Variants in PPP1R18 observed in about 807,000 individuals in gnomAD.
PPP1R18 encodes phostensin.
A neutral mutation model predicts 54.8 loss-of-function variants in PPP1R18; 31 were observed. The ratio of observed to expected loss-of-function variants is 0.57; its 90% CI spans 0.43 to 0.76. The LOEUF (loss-of-function observed/expected upper bound fraction) is 0.76, where lower values mean the gene tolerates loss of function less well. Ranked by LOEUF, PPP1R18 falls within the 30% of genes least tolerant of loss-of-function variation. The pLI is 0.00. For synonymous variants in PPP1R18, 310 were observed against 320.2 expected (o/e 0.97, Z 0.34); for missense variants, 685 against 776.1 (o/e 0.88, Z 1.39).
Position 30,680,317 on chromosome 6 carries a change from G to T in PPP1R18, c.1612-928C>A, listed in dbSNP as rs116614372. Among the ~76,000 whole-genome samples the T allele has an allele frequency of 4.7e-3, 723 of 152,250 alleles. 4 individuals carry two copies. The highest frequency in any genetic ancestry group is 0.014 in the African/African-American group (574 of 41,544). On this transcript the variant is annotated intron_variant, in intron 1 of 2. Coordinates refer to ENST00000274853, the MANE Select transcript of PPP1R18 (RefSeq NM_133471.4). ...TAAGAAGCTCAGGGGGAAGGGGCAGGGTGGGATTAAGTCTAGGAGCCAAAG... is the reference window on the plus strand; with the variant it reads ...TAAGAAGCTCAGGGGGAAGGGGCAGTGTGGGATTAAGTCTAGGAGCCAAAG...
intron 1 of PPP1R18, among the ~76,000 whole-genome samples, chr6:30,681,726 T>C (rs1039598448): frequency 6.6e-6 from 1 of 151,302 alleles, no homozygotes; most frequent in African/African-American, 2.4e-5. Flanking sequence ...ATCTCACCAT[T>C]GAACTCCAGG....
rs1562030039 is a variant in PPP1R18, at chr6:30,685,513, G to T, written c.506C>A (p.Ala169Asp). ...TCCTGGGCTTTGCCTCCAGTCCCGA[G>T]CCTCCAGAGGCCTCAGGCTCAACTC... ...AQELSLRPLEARDWRQSPGEV... is the reference protein window; with the variant it reads ...AQELSLRPLEDRDWRQSPGEV... Residue 169 changes from alanine (A) to aspartate (D), a missense_variant, in exon 1 of 3, where the codon GCT (alanine) becomes GAT (aspartate). Coordinates refer to ENST00000274853, the MANE Select transcript of PPP1R18 (RefSeq NM_133471.4). The surrounding 1 kb of genome is among the most constrained non-coding windows in gnomAD (Gnocchi z 5.0). The T allele has an allele frequency of 6.2e-7, 1 of 1,612,868 alleles. No homozygotes were observed. Among genetic ancestry groups the T allele is most frequent in the Non-Finnish European group, 8.5e-7 (1 of 1,180,024 alleles).
rs776431057 is a variant in PPP1R18 at position 30,684,372 on chromosome 6, G to A, written c.1611+36C>T. ...CAGAGTCCAGAGAAAATTGACAAGT[G>A]GACTTCTAAGAAGTCTGGCTTGGCT... On this transcript the variant is annotated intron_variant, in intron 1 of 2. Coordinates refer to ENST00000274853, the MANE Select transcript of PPP1R18 (RefSeq NM_133471.4). This position sits in a 1 kb window ranked among gnomAD's most constrained non-coding sequence, Gnocchi z 6.0. 17 of 1,497,070 alleles carry A rather than the reference G, an allele frequency of 1.1e-5. No homozygotes were observed. Among genetic ancestry groups the A allele is most frequent in the African/African-American group, 4.2e-5 (3 of 70,914 alleles). The allele number at this position is 1,497,070 out of a possible 1,614,324, so 92.7% of individuals were successfully genotyped here.
upstream of PPP1R18, chr6:30,687,993 TTC>T: frequency 6.6e-6 from 1 of 152,438 alleles, no homozygotes; most frequent in African/African-American, 2.4e-5. The surrounding 1 kb of genome is among the most constrained non-coding windows in gnomAD (Gnocchi z 7.9). Context: ...CCCTCTGGCT[TTC>T]TTTCCCAAAC....
chr6:30,677,196 G>A lies in PPP1R18; in HGVS notation c.*73C>T, dbSNP rs577659727. ...CCAGGCTCATTATCAGGGTCTGTCT[G>A]CCCTGAATCTTCCGGGCTCCAGGAT... On this transcript the variant is annotated 3_prime_UTR_variant, in exon 3 of 3. Coordinates refer to ENST00000274853, the MANE Select transcript of PPP1R18 (RefSeq NM_133471.4). 203 of 1,381,032 alleles carry A rather than the reference G, an allele frequency of 1.5e-4. No homozygotes were observed. The African/African-American group carries it at 2.6e-3, about 18-fold the overall frequency. The allele number at this position is 1,381,032 out of a possible 1,614,324, so 85.5% of individuals were successfully genotyped here.
intron 1 of PPP1R18, 123 bp from the exon 2 acceptor site, chr6:30,679,512 G>A: frequency 3.9e-6 from 1 of 256,548 alleles, no homozygotes; most frequent in Non-Finnish European, 7.2e-6. Flanking sequence ...GGGACTGGCG[G>A]AACGTGGGGG....
rs199657379 is a variant in PPP1R18 at position 30,685,582 on chromosome 6, G to A, written c.437C>T (p.Pro146Leu). 33 of 1,612,922 alleles carry A rather than the reference G, an allele frequency of 2.0e-5. No homozygotes were observed. Among genetic ancestry groups the A allele is most frequent in the African/African-American group, 1.7e-4 (13 of 74,976 alleles). ...GRESREERLS[P>L]RETRERRLGI... ...CAGCCTCCTCTCTCTGGTCTCCCTCGGACTTAGTCTCTCTTCTCTTGACTC... is the reference window on the plus strand; with the variant it reads ...CAGCCTCCTCTCTCTGGTCTCCCTCAGACTTAGTCTCTCTTCTCTTGACTC... Residue 146 changes from proline to leucine, a missense_variant, in exon 1 of 3, where the codon CCG (proline) becomes CTG (leucine). Transcript: ENST00000274853. This position sits in a 1 kb window ranked among gnomAD's most constrained non-coding sequence, Gnocchi z 5.0.
Position 30,683,645 on chromosome 6 carries a change from G to A in PPP1R18, c.1611+763C>T, listed in dbSNP as rs1037081789. Among the ~76,000 whole-genome samples the A allele has an allele frequency of 1.3e-5, 2 of 152,172 alleles. No individual in the cohort carries two copies. The highest frequency in any genetic ancestry group is 1.3e-4 in the Admixed American group (2 of 15,272). ...GAAGGACAGGGGAGTGAGGGGCGGG[G>A]GTATTTTGGAAGAGGAGAAGGCTTT... On this transcript the variant is annotated intron_variant, in intron 1 of 2. Transcript: ENST00000274853. The surrounding 1 kb of genome is among the most constrained non-coding windows in gnomAD (Gnocchi z 5.1).
At position 30,683,083 on chromosome 6, in the gene PPP1R18, G is replaced by T. The variant is rs117580792; in HGVS notation, c.1611+1325C>A. 7.5e-3 allele frequency among the ~76,000 whole-genome samples: 1,136 copies of T among 152,314 alleles called. 18 individuals are homozygous for T. Among genetic ancestry groups the T allele is most frequent in the East Asian group, 0.044 (227 of 5,182 alleles). ...GGGAGCTTACGCTTCATGTGAAGAT[G>T]AATTGGGGGATCAAATGAACCCCCC... is the stretch of plus-strand genomic sequence containing the variant. On this transcript the variant is annotated intron_variant, in intron 1 of 2. Coordinates refer to ENST00000274853, the MANE Select transcript of PPP1R18 (RefSeq NM_133471.4). This position sits in a 1 kb window ranked among gnomAD's most constrained non-coding sequence, Gnocchi z 5.1.
At position 30,685,721 on chromosome 6, in the gene PPP1R18, G is replaced by A; in HGVS notation, c.298C>T (p.Gln100Ter). ...AGCTCTTCACTCCGTTGTTGTTGCT[G>A]CTGCTGCTGCTGCCGCTCCTGCCGG... ...FIRQERQQQQ[Q>*]QQQRSEELLA... Residue 100 changes from glutamine to a stop codon, truncating the protein, a stop_gained, in exon 1 of 3, where the codon CAG (glutamine) becomes TAG (stop). Coordinates refer to ENST00000274853, the MANE Select transcript of PPP1R18 (RefSeq NM_133471.4). LOFTEE classifies it high-confidence loss of function. The surrounding 1 kb of genome is among the most constrained non-coding windows in gnomAD (Gnocchi z 5.0). 6.2e-7 allele frequency: 1 copy of A among 1,612,516 alleles called. No individual in the cohort carries two copies. Among genetic ancestry groups the A allele is most frequent in the Non-Finnish European group, 8.5e-7 (1 of 1,179,820 alleles).
Position 30,685,284 on chromosome 6 carries a change from G to A in PPP1R18, c.735C>T (p.Ser245=). 6.2e-7 allele frequency: 1 copy of A among 1,613,040 alleles called. No individual in the cohort carries two copies. Among genetic ancestry groups the A allele is most frequent in the Non-Finnish European group, 8.5e-7 (1 of 1,180,022 alleles). ...LTEAHKWRPD[S]RESQEQSLVQ... is the part of the protein sequence containing the mutation. ...CCAAACTCTGTTCCTGAGACTCTCT[G>A]GAGTCAGGTCTCCATTTATGGGCCT... Residue 245 remains serine, a synonymous_variant, in exon 1 of 3, where the codon TCC becomes TCT. Coordinates refer to ENST00000274853, the MANE Select transcript of PPP1R18 (RefSeq NM_133471.4). This position sits in a 1 kb window ranked among gnomAD's most constrained non-coding sequence, Gnocchi z 5.0.
Position 30,686,247 on chromosome 6 carries a change from T to TG in PPP1R18, c.-230dup. ...GTGAAGAGAAGTTGTGAGCCCAAGT[T>TG]GGGGGTGGTGGGGGTGATGTGAGAG... On this transcript the variant is annotated 5_prime_UTR_variant, in exon 1 of 3. Coordinates refer to ENST00000274853, the MANE Select transcript of PPP1R18 (RefSeq NM_133471.4). The TG allele has an allele frequency of 2.2e-6, 1 of 453,576 alleles. No individual in the cohort carries two copies. The highest frequency in any genetic ancestry group is 3.9e-6 in the Non-Finnish European group (1 of 259,566). The allele number at this position is 453,576 out of a possible 1,614,324, so 28.1% of individuals were successfully genotyped here.
At chr6:30,682,673 AGGCCCAG>A (rs949036584) in intron 1 of PPP1R18, among the ~76,000 whole-genome samples, 7 of 147,566 alleles carry the variant, frequency 4.7e-5, no homozygotes, top group South Asian at 2.1e-4. Flanking sequence ...CAGATCTGGC[AGGCCCAG>A]GGCCCAGGGC....
intron 1 of PPP1R18, among the ~76,000 whole-genome samples, chr6:30,680,354 A>G (rs1384894528): frequency 6.6e-6 from 1 of 152,142 alleles, no homozygotes; most frequent in Non-Finnish European, 1.5e-5. Flanking sequence ...GATTAGGGAG[A>G]CAGCAGGAGG....
At position 30,685,977 on chromosome 6, in the gene PPP1R18, C is replaced by A; in HGVS notation, c.42G>T (p.Arg14=). 1 of 1,594,562 alleles carries A rather than the reference C, an allele frequency of 6.3e-7. No homozygotes were observed. Reference sequence around the variant, plus strand: ...GAACGGACGCCTCCTCCTGCCGGCGCCGGGCTAGCAGCTGTAGCTTCCAGT... The same window carrying A: ...GAACGGACGCCTCCTCCTGCCGGCGACGGGCTAGCAGCTGTAGCTTCCAGT... ...IPDWKLQLLA[R]RRQEEASVRG... The change falls in exon 1 of 3, where the codon CGG becomes CGT. Residue 14 remains arginine, a synonymous_variant. Transcript: ENST00000274853. This position sits in a 1 kb window ranked among gnomAD's most constrained non-coding sequence, Gnocchi z 5.0.
Position 30,684,738 on chromosome 6 carries a change from T to C in PPP1R18, c.1281A>G (p.Pro427=), listed in dbSNP as rs1312244012. 1.9e-6 allele frequency: 3 copies of C among 1,551,804 alleles called. No homozygotes were observed. The highest frequency in any genetic ancestry group is 2.6e-6 in the Non-Finnish European group (3 of 1,149,588). ...GGGGTGGGGGAGACAGAGGGGCTGG[T>C]GGTGGGGGCTGGAGCTCCACTGCTT... ...EEEAVELQPP[P]PAPLSPPPPA... The change falls in exon 1 of 3, where the codon CCA becomes CCG. Residue 427 remains proline (P), a synonymous_variant. Coordinates refer to ENST00000274853, the MANE Select transcript of PPP1R18 (RefSeq NM_133471.4). The surrounding 1 kb of genome is among the most constrained non-coding windows in gnomAD (Gnocchi z 6.0).
intron 1 of PPP1R18, among the ~76,000 whole-genome samples, chr6:30,682,887 A>C (rs187856987): frequency 1.1e-3 from 173 of 152,110 alleles, no homozygotes; most frequent in Non-Finnish European, 1.9e-3. Flanking sequence ...CCCTCTGCTC[A>C]TTCTTCCCCA....
At position 30,684,340 on chromosome 6, in the gene PPP1R18, A is replaced by G; in HGVS notation, c.1611+68T>C. 6.9e-7 allele frequency: 1 copy of G among 1,454,436 alleles called. No individual in the cohort carries two copies. The highest frequency in any genetic ancestry group is 9.2e-7 in the Non-Finnish European group (1 of 1,089,612). The allele number at this position is 1,454,436 out of a possible 1,614,324, so 90.1% of individuals were successfully genotyped here. ...CAAGAAAACAGGGGTATAAAAAAGA[A>G]AGAGACCAGAGTCCAGAGAAAATTG... On this transcript the variant is annotated intron_variant, in intron 1 of 2. Transcript: ENST00000274853. The surrounding 1 kb of genome is among the most constrained non-coding windows in gnomAD (Gnocchi z 6.0).
chr6:30,676,714 A>C lies in PPP1R18; in HGVS notation c.*555T>G, dbSNP rs571247229. Reference sequence around the variant, plus strand: ...GAGAGAATTCCACGCAGACACAGCAAGTAAGCGTGGCTTGTAAACCTGGGA... The same window carrying C: ...GAGAGAATTCCACGCAGACACAGCACGTAAGCGTGGCTTGTAAACCTGGGA... On this transcript the variant is annotated 3_prime_UTR_variant, in exon 3 of 3. Coordinates refer to ENST00000274853, the MANE Select transcript of PPP1R18 (RefSeq NM_133471.4). The C allele has an allele frequency of 3.6e-4, 80 of 222,882 alleles. 2 individuals are homozygous for C. In the South Asian group the frequency reaches 3.8e-3, roughly 11 times the overall value. 13.8% of individuals were successfully genotyped at this position (222,882 alleles called of 1,614,324 possible).
Sources: allele counts gnomAD v4.1 joint callset (sites outside exome capture counted in the v4.1 genomes callset), GRCh38; gene constraint gnomAD v4.1.1; non-coding constraint Gnocchi (gnomAD v3.1); transcripts MANE v1.5; gene names NCBI Gene and HGNC (gene_info 2026-07-23, HGNC 2026-07-21).